The following LHFPL3 variants were observed in gnomAD, a reference collection of about 807,000 sequenced individuals.
The protein encoded by LHFPL3 is LHFPL tetraspan subfamily member 3.
LHFPL3 carries 5 observed loss-of-function variants against 19.3 expected under a neutral mutation model. The observed-to-expected ratio is 0.26, with a 90% CI of 0.14 to 0.54. LHFPL3 has a LOEUF of 0.54. Among genes scored for constraint, LHFPL3 ranks in the 20% least tolerant of loss-of-function variants. The pLI, the probability that LHFPL3 is intolerant of heterozygous loss-of-function variation, is 0.94. For missense variants in LHFPL3, 249 were observed against 307.4 expected (o/e 0.81, Z 1.42); for synonymous variants, 133 against 126.2 (o/e 1.05, Z -0.36).
intron 1 of LHFPL3, among the ~76,000 whole-genome samples, chr7:104,553,643 C>G (rs991292906): frequency 6.6e-5 from 10 of 152,134 alleles, no homozygotes; most frequent in African/African-American, 2.4e-4. Flanking sequence ...TTTTCTTTTG[C>G]TGTGCCTTAC....
chr7:104,465,647 A>G (rs1792765916), intron 1 of LHFPL3, among the ~76,000 whole-genome samples: 1 of 152,156 alleles, frequency 6.6e-6, no homozygotes, highest in African/African-American at 2.4e-5. Context: ...TTATAAAACC[A>G]TCAGATCTTG....
intron 1 of LHFPL3, chr7:104,667,772 G>T: frequency 1.9e-6 from 3 of 1,597,296 alleles, no homozygotes; most frequent in Non-Finnish European, 2.6e-6. Context: ...CAAAAAAGAA[G>T]AATAAGAAGG....
intron 1 of LHFPL3, among the ~76,000 whole-genome samples, chr7:104,654,733 A>G (rs1199451542): frequency 6.6e-6 from 1 of 152,126 alleles, no homozygotes; most frequent in African/African-American, 2.4e-5. Flanking sequence ...TTGGATATTT[A>G]CCTACCTGAA....
At chr7:104,689,235 G>A (rs887408577) in intron 1 of LHFPL3, among the ~76,000 whole-genome samples, 16 of 152,122 alleles carry the variant, frequency 1.1e-4, no homozygotes, top group African/African-American at 3.4e-4. Context: ...GGATCCCAAG[G>A]TGGCAGTGTC....
At chr7:104,691,403 G>A (rs1792903484) in intron 1 of LHFPL3, among the ~76,000 whole-genome samples, 1 of 152,206 alleles carries the variant, frequency 6.6e-6, no homozygotes, top group Non-Finnish European at 1.5e-5. Context: ...CTAGGGTTTG[G>A]TTTGTAGATG....
At chr7:104,435,810 A>G (rs926784955) in intron 1 of LHFPL3, among the ~76,000 whole-genome samples, 4 of 151,672 alleles carry the variant, frequency 2.6e-5, no homozygotes, top group African/African-American at 9.7e-5. Context: ...TAAAATGGCT[A>G]TTTATAGACT....
chr7:104,382,446 T>C (rs1262667215), intron 1 of LHFPL3, among the ~76,000 whole-genome samples: 1 of 152,198 alleles, frequency 6.6e-6, no homozygotes, highest in East Asian at 1.9e-4. Context: ...CAAGATGCTT[T>C]TGATACATGC....
In LHFPL3 at chr7:104,732,337, G is replaced by A. The variant is rs531163607; in HGVS notation, c.446-4338G>A. On this transcript the variant is annotated intron_variant, in intron 1 of 2. Transcript: ENST00000424859. Reference sequence around the variant, plus strand: ...CTTGTACCTCTGGTAGAATTCGGCTGTGAATCCATCTGATCCTGGACTTTT... The same window carrying A: ...CTTGTACCTCTGGTAGAATTCGGCTATGAATCCATCTGATCCTGGACTTTT... Among the ~76,000 whole-genome samples, 18 of 152,300 alleles carry A rather than the reference G, an allele frequency of 1.2e-4. No individual in the cohort carries two copies. The South Asian group carries it at 2.7e-3, about 23-fold the overall frequency.
At chr7:104,419,016 A>G (rs984410525) in intron 1 of LHFPL3, among the ~76,000 whole-genome samples, 4 of 152,244 alleles carry the variant, frequency 2.6e-5, no homozygotes, top group Admixed American at 2.6e-4. Flanking sequence ...ACCTAAGATT[A>G]CACAGCTAGT....
chr7:104,786,245 C>T (rs190649871), intron 2 of LHFPL3, among the ~76,000 whole-genome samples: 51 of 152,276 alleles, frequency 3.3e-4, no homozygotes, highest in African/African-American at 1.1e-3. Flanking sequence ...TTCAGCGACC[C>T]GCTTGGAAAG....
intron 1 of LHFPL3, among the ~76,000 whole-genome samples, chr7:104,594,513 T>A (rs901798862): frequency 6.6e-6 from 1 of 152,164 alleles, no homozygotes; most frequent in Non-Finnish European, 1.5e-5. Context: ...CAATGATGTG[T>A]CTTGAGGTTG....
intron 2 of LHFPL3, among the ~76,000 whole-genome samples, chr7:104,858,514 C>A (rs985568352): frequency 1.3e-5 from 2 of 152,162 alleles, no homozygotes; most frequent in East Asian, 1.9e-4. Context: ...TCTTTCATTT[C>A]TTGCAGACCC....
At chr7:104,359,613 C>A (rs1043229560) in intron 1 of LHFPL3, among the ~76,000 whole-genome samples, 1 of 152,212 alleles carries the variant, frequency 6.6e-6, no homozygotes, top group Non-Finnish European at 1.5e-5. Flanking sequence ...AAACCATAAG[C>A]AGCTTTAATC....
At chr7:104,603,065 T>TC (rs1491368931) in intron 1 of LHFPL3, among the ~76,000 whole-genome samples, 6 of 109,482 alleles carry the variant, frequency 5.5e-5, no homozygotes, top group South Asian at 3.1e-4. Context: ...TCTTTCTTTC[T>TC]TTTTCTTTCT....
chr7:104,330,975 T>A (rs1801556895), intron 1 of LHFPL3, among the ~76,000 whole-genome samples: 1 of 152,206 alleles, frequency 6.6e-6, no homozygotes, highest in African/African-American at 2.4e-5. Context: ...TGATTCAAAT[T>A]ACATCGTTTT....
intron 1 of LHFPL3, among the ~76,000 whole-genome samples, chr7:104,563,424 G>T (rs551624538): frequency 9.3e-3 from 1,384 of 149,020 alleles, no homozygotes; most frequent in African/African-American, 0.032. Context: ...CACAGTATTC[G>T]GGTGGGAGTG....
At chr7:104,522,821 G>GA (rs1264185904) in intron 1 of LHFPL3, among the ~76,000 whole-genome samples, 1 of 152,012 alleles carries the variant, frequency 6.6e-6, no homozygotes, top group Non-Finnish European at 1.5e-5. Flanking sequence ...GTAAGACTTT[G>GA]AAAAAAGAAG....
chr7:104,396,001 G>C (rs1791176325), intron 1 of LHFPL3, among the ~76,000 whole-genome samples: 1 of 152,162 alleles, frequency 6.6e-6, no homozygotes, highest in African/African-American at 2.4e-5. Flanking sequence ...ATGGCAAAAA[G>C]GCAGGTGGGA....
Position 104,602,020 on chromosome 7 carries a change from C to CTTTTTTTTTTTTTTTTTTT in LHFPL3, c.446-134653_446-134635dup, listed in dbSNP as rs57501560. Among the ~76,000 whole-genome samples the CTTTTTTTTTTTTTTTTTTT allele has an allele frequency of 3.8e-4, 35 of 91,460 alleles. 1 individual carries two copies. The highest frequency in any genetic ancestry group is 1.1e-3 in the East Asian group (3 of 2,760). The allele number at this position is 91,460 out of a possible 152,430, so 60.0% of individuals were successfully genotyped here. ...TAGCAATTTATTTTCTTTTTCTTTT[C>CTTTTTTTTTTTTTTTTTTT]TTTTTTTTTTTTTTTTTTTTCTGAC... On this transcript the variant is annotated intron_variant, in intron 1 of 2. Coordinates refer to ENST00000424859, the MANE Select transcript of LHFPL3 (RefSeq NM_199000.3).
Sources: allele counts gnomAD v4.1 joint callset (sites outside exome capture counted in the v4.1 genomes callset), GRCh38; gene constraint gnomAD v4.1.1; transcripts MANE v1.5; gene names NCBI Gene and HGNC (gene_info 2026-07-23, HGNC 2026-07-21).